SPATA17: variants seen among roughly 807,000 people sequenced by gnomAD.
SPATA17 encodes spermatogenesis associated 17, also known as spermatogenesis-associated protein 17.
A neutral mutation model predicts 62.2 loss-of-function variants in SPATA17; 53 were observed. The ratio of observed to expected loss-of-function variants is 0.85; its 90% CI spans 0.68 to 1.07. SPATA17 has a LOEUF of 1.07. Ranked by LOEUF, SPATA17 falls within the 50% of genes least tolerant of loss-of-function variation. SPATA17 has a pLI of 0.00. For missense variants in SPATA17, 466 were observed against 425.5 expected (o/e 1.10, Z -0.84); for synonymous variants, 146 against 146.8 (o/e 0.99, Z 0.04).
intron 1 of SPATA17, among the ~76,000 whole-genome samples, chr1:217,634,915 GT>G: frequency 6.6e-6 from 1 of 151,966 alleles, no homozygotes; most frequent in Admixed American, 6.6e-5. Context: ...TGTTGTTGTT[GT>G]TGTTGTTGTT....
At chr1:217,634,116 T>C (rs1445835334) in intron 1 of SPATA17, among the ~76,000 whole-genome samples, 1 of 152,240 alleles carries the variant, frequency 6.6e-6, no homozygotes, top group Non-Finnish European at 1.5e-5. Context: ...CTGAAAATTT[T>C]GTCCTGGACA....
intron 5 of SPATA17, among the ~76,000 whole-genome samples, chr1:217,697,196 G>A (rs1482007924): frequency 6.6e-6 from 1 of 152,156 alleles, no homozygotes; most frequent in Non-Finnish European, 1.5e-5. Context: ...GTAGAGGCTG[G>A]TGTTGAACTC....
intron 4 of SPATA17, among the ~76,000 whole-genome samples, chr1:217,670,196 A>G (rs965288115): frequency 1.3e-5 from 2 of 152,128 alleles, no homozygotes. Flanking sequence ...AGACTAAAAC[A>G]CCATTGATTC....
intron 6 of SPATA17, among the ~76,000 whole-genome samples, chr1:217,768,210 A>C (rs1188048145): frequency 1.3e-5 from 2 of 152,036 alleles, no homozygotes; most frequent in Non-Finnish European, 1.5e-5. Flanking sequence ...GCTCCACTGC[A>C]CTCCAGCCTG....
At chr1:217,779,377 ATTCTC>A (rs1673677107) in intron 7 of SPATA17, among the ~76,000 whole-genome samples, 1 of 150,532 alleles carries the variant, frequency 6.6e-6, no homozygotes, top group African/African-American at 2.4e-5. Flanking sequence ...TCTCTTTTTT[ATTCTC>A]TTCTCTTCTA....
At chr1:217,764,520 G>A (rs995634625) in intron 6 of SPATA17, among the ~76,000 whole-genome samples, 38 of 152,208 alleles carry the variant, frequency 2.5e-4, no homozygotes, top group African/African-American at 9.2e-4. Context: ...GTGAACAGCT[G>A]CTGTAAACAT....
At chr1:217,775,536 C>T (rs566124832) in intron 7 of SPATA17, among the ~76,000 whole-genome samples, 2 of 152,052 alleles carry the variant, frequency 1.3e-5, no homozygotes, top group Non-Finnish European at 2.9e-5. Flanking sequence ...AACCCCATCT[C>T]TACTAAAAAT....
chr1:217,716,450 C>T (rs1349060243), intron 5 of SPATA17, among the ~76,000 whole-genome samples: 1 of 152,028 alleles, frequency 6.6e-6, no homozygotes, highest in East Asian at 1.9e-4. Context: ...ATTTTAAAGT[C>T]ACAATTAATA....
intron 9 of SPATA17, among the ~76,000 whole-genome samples, chr1:217,821,273 A>G (rs916646959): frequency 6.6e-6 from 1 of 152,076 alleles, no homozygotes; most frequent in Admixed American, 6.6e-5. Flanking sequence ...ACAGAATAAG[A>G]AAAGAGGAGC....
intron 6 of SPATA17, among the ~76,000 whole-genome samples, chr1:217,767,965 G>A (rs1320629353): frequency 6.6e-6 from 1 of 152,126 alleles, no homozygotes; most frequent in Admixed American, 6.6e-5. Context: ...AGGAAATGTG[G>A]GCCCGGCGCA....
At chr1:217,704,193 T>C (rs954400140) in intron 5 of SPATA17, among the ~76,000 whole-genome samples, 5 of 149,630 alleles carry the variant, frequency 3.3e-5, no homozygotes, top group African/African-American at 1.2e-4. Context: ...ACCCAACGGG[T>C]AGGTTTTTTT....
chr1:217,763,297 T>C (rs1414733338), intron 6 of SPATA17, among the ~76,000 whole-genome samples: 1 of 152,190 alleles, frequency 6.6e-6, no homozygotes, highest in Non-Finnish European at 1.5e-5. Flanking sequence ...GACAGTCTAA[T>C]TTAGAATGTG....
chr1:217,812,443 A>T (rs2102992634), intron 9 of SPATA17, among the ~76,000 whole-genome samples: 1 of 152,300 alleles, frequency 6.6e-6, no homozygotes, highest in East Asian at 1.9e-4. Context: ...TAGCATATAT[A>T]TAATTTTTGA....
chr1:217,807,723 A>G (rs1674472452), intron 9 of SPATA17, among the ~76,000 whole-genome samples: 1 of 152,130 alleles, frequency 6.6e-6, no homozygotes, highest in African/African-American at 2.4e-5. Context: ...GGAAGAAAGA[A>G]AAAAATATTT....
At chr1:217,704,217 T>C (rs1571744429) in intron 5 of SPATA17, among the ~76,000 whole-genome samples, 1 of 126,942 alleles carries the variant, frequency 7.9e-6, no homozygotes, top group African/African-American at 2.8e-5. Flanking sequence ...CTAACTCTCC[T>C]CCTTCCCTCT....
Position 217,683,251 on chromosome 1 carries a change from T to G in SPATA17, c.292-7T>G, listed in dbSNP as rs1330143888. 2.5e-6 allele frequency: 4 copies of G among 1,577,420 alleles called. No individual in the cohort carries two copies. Among genetic ancestry groups the G allele is most frequent in the Non-Finnish European group, 3.5e-6 (4 of 1,156,544 alleles). On this transcript the variant is annotated splice_region_variant and splice_polypyrimidine_tract_variant and intron_variant, in intron 4 of 10. Transcript: ENST00000366933. ...GGCATATTTTATCTCTTTATTTACTTTAATAGATTCAGAGACGATGGCGAG... is the reference window on the plus strand; with the variant it reads ...GGCATATTTTATCTCTTTATTTACTGTAATAGATTCAGAGACGATGGCGAG...
chr1:217,727,533 G>C (rs1379783336), intron 5 of SPATA17, among the ~76,000 whole-genome samples: 1 of 151,976 alleles, frequency 6.6e-6, no homozygotes, highest in East Asian at 1.9e-4. Context: ...CAGGGGCTAT[G>C]TATTATTTTT....
chr1:217,813,140 G>A (rs940210022), intron 9 of SPATA17, among the ~76,000 whole-genome samples: 13 of 152,140 alleles, frequency 8.5e-5, no homozygotes, highest in African/African-American at 2.9e-4. Context: ...TGCTGTCTAC[G>A]GCTTTTGGAA....
chr1:217,713,471 C>T (rs1229700133), intron 5 of SPATA17, among the ~76,000 whole-genome samples: 1 of 152,188 alleles, frequency 6.6e-6, no homozygotes, highest in Non-Finnish European at 1.5e-5. Flanking sequence ...CACCCGCAAA[C>T]ACCAGGTCTT....
Sources: gnomAD v4.1 joint callset for allele counts (sites outside exome capture counted in the v4.1 genomes callset) on GRCh38, gnomAD v4.1.1 for gene constraint, MANE v1.5 for transcripts, NCBI Gene and HGNC (gene_info 2026-07-23, HGNC 2026-07-21) for gene names.